MYH10: variants seen among roughly 807,000 people sequenced by gnomAD.
The protein encoded by MYH10 is myosin-10.
In MYH10, 55 loss-of-function variants were observed where a neutral mutation model predicts 257.8. That is an observed-to-expected ratio of 0.21 (90% CI 0.17 to 0.27). The LOEUF is 0.27. Among genes scored for constraint, MYH10 ranks in the 10% least tolerant of loss-of-function variants. The pLI is 1.00. For missense variants in MYH10, 1,631 were observed against 2,500.6 expected, an observed-to-expected ratio of 0.65 and a Z score of 7.42; for synonymous variants, 854 against 921.7, an observed-to-expected ratio of 0.93 and a Z score of 1.33.
chr17:8,566,489 T>C (rs1167852334), intron 7 of MYH10, among the ~76,000 whole-genome samples: 1 of 151,974 alleles, frequency 6.6e-6, no homozygotes, highest in Non-Finnish European at 1.5e-5. Flanking sequence ...AGAGGCTGCC[T>C]CCAAAGCCAG....
chr17:8,593,391 T>C (rs915529431), intron 3 of MYH10, among the ~76,000 whole-genome samples: 2 of 150,536 alleles, frequency 1.3e-5, no homozygotes, highest in Admixed American at 6.6e-5. Flanking sequence ...GCAGAGGACA[T>C]AGACAGAAAA....
At position 8,486,138 on chromosome 17, in the gene MYH10, T is replaced by C. The variant is rs374458189; in HGVS notation, c.5046+1295A>G. ...GGAACAAAGGCAAATTTATAGAGAC[T>C]GAAAGATTAGTAGTTGATTAACGCA... On this transcript the variant is annotated intron_variant, in intron 36 of 42. Coordinates refer to ENST00000360416, the MANE Select transcript of MYH10 (RefSeq NM_001256012.3). 2.6e-3 allele frequency among the ~76,000 whole-genome samples: 393 copies of C among 152,264 alleles called. 2 individuals are homozygous for C. The highest frequency in any genetic ancestry group is 0.01 in the Middle Eastern group (3 of 294).
intron 4 of MYH10, among the ~76,000 whole-genome samples, chr17:8,580,853 T>C (rs371468166): frequency 1.3e-5 from 2 of 151,912 alleles, no homozygotes; most frequent in East Asian, 1.9e-4. Flanking sequence ...ATAAAATAAA[T>C]AAGAACAGAT....
At chr17:8,532,254 T>C (rs1431181895) in intron 16 of MYH10, among the ~76,000 whole-genome samples, 1 of 152,166 alleles carries the variant, frequency 6.6e-6, no homozygotes, top group Non-Finnish European at 1.5e-5. Flanking sequence ...TTGACAAGAA[T>C]GGCCAAATGC....
chr17:8,502,197 T>G (rs2080916563), intron 28 of MYH10, among the ~76,000 whole-genome samples: 1 of 152,192 alleles, frequency 6.6e-6, no homozygotes, highest in African/African-American at 2.4e-5. Flanking sequence ...TCCTCTCTTC[T>G]CATGGAGTCA....
At chr17:8,505,142 GC>G (rs5819197) in intron 27 of MYH10, among the ~76,000 whole-genome samples, 69,511 of 152,026 alleles carry the variant, frequency 0.46, 16,087 homozygotes, top group African/African-American at 0.55. Flanking sequence ...CTAGATTCCA[GC>G]CCCAGCCCCC....
At chr17:8,597,111 C>T (rs2084403572) in intron 3 of MYH10, among the ~76,000 whole-genome samples, 2 of 151,894 alleles carry the variant, frequency 1.3e-5, no homozygotes. Flanking sequence ...TACCCTAGTC[C>T]CCAAAATGGG....
chr17:8,547,126 G>A (rs1446251694), intron 11 of MYH10, among the ~76,000 whole-genome samples: 3 of 152,060 alleles, frequency 2.0e-5, no homozygotes, highest in African/African-American at 7.2e-5. Context: ...GGCATAGCAC[G>A]ACAGCCTAGA....
chr17:8,599,313 T>G (rs572090285), intron 3 of MYH10, among the ~76,000 whole-genome samples: 1 of 152,238 alleles, frequency 6.6e-6, no homozygotes, highest in Non-Finnish European at 1.5e-5. Flanking sequence ...GCTTGCTAAG[T>G]TGTATTAAAT....
intron 35 of MYH10, among the ~76,000 whole-genome samples, chr17:8,488,152 T>A (rs953125039): frequency 6.6e-6 from 1 of 151,240 alleles, no homozygotes; most frequent in Non-Finnish European, 1.5e-5. Flanking sequence ...GATGGGAGAG[T>A]GAGGATGAGT....
intron 5 of MYH10, 117 bp from the exon 6 acceptor site, chr17:8,576,789 G>A: frequency 1.1e-6 from 1 of 917,180 alleles, no homozygotes; most frequent in Non-Finnish European, 1.7e-6. Context: ...AGCTGGGTTG[G>A]CTGGCGTTCT....
At chr17:8,556,851 A>T (rs11078757) in intron 7 of MYH10, among the ~76,000 whole-genome samples, 145,944 of 152,324 alleles carry the variant, frequency 0.96, 70,248 homozygotes, top group East Asian at 1. Flanking sequence ...CATCTGTTTT[A>T]GACAGATGAG....
At chr17:8,527,215 G>T (rs926149045) in intron 17 of MYH10, among the ~76,000 whole-genome samples, 1 of 152,112 alleles carries the variant, frequency 6.6e-6, no homozygotes, top group African/African-American at 2.4e-5. Context: ...TGCTAGAACC[G>T]ATCTGCTAAT....
At chr17:8,530,170 G>C (rs1597748237) in intron 17 of MYH10, among the ~76,000 whole-genome samples, 1 of 152,212 alleles carries the variant, frequency 6.6e-6, no homozygotes, top group South Asian at 2.1e-4. Context: ...TACAAAATGT[G>C]TCTTAAATAC....
At chr17:8,479,290 T>G (rs1287621231) in intron 40 of MYH10, among the ~76,000 whole-genome samples, 1 of 151,938 alleles carries the variant, frequency 6.6e-6, no homozygotes, top group Non-Finnish European at 1.5e-5. Flanking sequence ...GTGAAACAAA[T>G]CCATGTTTCC....
At chr17:8,578,153 C>T (rs1005167685) in intron 4 of MYH10, among the ~76,000 whole-genome samples, 3 of 152,090 alleles carry the variant, frequency 2.0e-5, no homozygotes, top group African/African-American at 7.2e-5. Context: ...CTTCCTGGTG[C>T]CAGTGTTGTG....
chr17:8,492,689 T>C (rs1232470810), intron 33 of MYH10, 87 bp downstream of exon 33: 2 of 1,463,168 alleles, frequency 1.4e-6, no homozygotes, highest in Middle Eastern at 2.1e-4. Context: ...ATGTATCACA[T>C]TTAAATGCCT....
intron 22 of MYH10, 23 bp from the exon 23 acceptor site, chr17:8,513,692 T>A (rs1186686467): frequency 2.5e-6 from 4 of 1,607,814 alleles, no homozygotes; most frequent in Non-Finnish European, 3.4e-6. Flanking sequence ...TAAGCAGTTT[T>A]TTTTTTTTTA....
intron 3 of MYH10, among the ~76,000 whole-genome samples, chr17:8,603,258 G>A (rs1252990384): frequency 2.0e-5 from 3 of 152,184 alleles, no homozygotes; most frequent in African/African-American, 7.2e-5. Flanking sequence ...CAAGTATGCT[G>A]ATAAAAATAT....
Sources: allele counts gnomAD v4.1 joint callset (sites outside exome capture counted in the v4.1 genomes callset), GRCh38; gene constraint gnomAD v4.1.1; transcripts MANE v1.5; gene names NCBI Gene and HGNC (gene_info 2026-07-23, HGNC 2026-07-21).